Variants in BACH2 observed in about 807,000 individuals in gnomAD.
BACH2 encodes BACH transcriptional regulator 2.
Under a neutral mutation model 61.8 loss-of-function variants are expected in BACH2, and 5 were observed. That is an observed-to-expected ratio of 0.08 (90% CI 0.04 to 0.17). BACH2 has a LOEUF of 0.17. Among genes scored for constraint, BACH2 ranks in the 10% least tolerant of loss-of-function variants. The pLI, the probability that BACH2 is intolerant of heterozygous loss-of-function variation, is 1.00. For missense variants in BACH2, 824 were observed against 1,091.1 expected (o/e 0.76, Z 3.45); for synonymous variants, 446 against 440.1 (o/e 1.01, Z -0.17).
intron 5 of BACH2, among the ~76,000 whole-genome samples, chr6:90,059,333 T>G (rs1780553994): frequency 6.6e-6 from 1 of 152,184 alleles, no homozygotes. Context: ...CAGACACTTC[T>G]CAAAAGAAGA....
chr6:90,218,680 A>T (rs539701544), intron 3 of BACH2, among the ~76,000 whole-genome samples: 1 of 151,102 alleles, frequency 6.6e-6, no homozygotes, highest in Non-Finnish European at 1.5e-5. Context: ...GGCTCGAATT[A>T]CCCGCCTGTC....
intron 8 of BACH2, among the ~76,000 whole-genome samples, chr6:89,934,781 C>G (rs1168306435): frequency 1.3e-5 from 2 of 152,006 alleles, no homozygotes; most frequent in Non-Finnish European, 1.5e-5. Flanking sequence ...TCTCACCAAC[C>G]CTTTGCAAGC....
At chr6:90,012,406 G>C (rs1455726275) in intron 5 of BACH2, among the ~76,000 whole-genome samples, 1 of 151,806 alleles carries the variant, frequency 6.6e-6, no homozygotes, top group East Asian at 2.0e-4. Flanking sequence ...GAGGCAGGTG[G>C]ATAACTTGAG....
At chr6:90,052,444 G>A in intron 5 of BACH2, among the ~76,000 whole-genome samples, 1 of 151,936 alleles carries the variant, frequency 6.6e-6, no homozygotes, top group East Asian at 1.9e-4. Flanking sequence ...TTTTGAGACA[G>A]GGTCTTTCTC....
chr6:90,018,762 A>G (rs1778210794), intron 5 of BACH2, among the ~76,000 whole-genome samples: 1 of 152,216 alleles, frequency 6.6e-6, no homozygotes, highest in South Asian at 2.1e-4. Context: ...AAAAGATAAA[A>G]TATTTGTGAG....
chr6:90,294,906 A>G (rs752634278), intron 1 of BACH2, among the ~76,000 whole-genome samples: 11 of 152,360 alleles, frequency 7.2e-5, no homozygotes, highest in East Asian at 1.9e-4. Flanking sequence ...TTTACTCTAA[A>G]CAGACAAAAG....
chr6:90,293,474 G>A (rs984382586), intron 1 of BACH2, among the ~76,000 whole-genome samples: 1 of 152,184 alleles, frequency 6.6e-6, no homozygotes, highest in Non-Finnish European at 1.5e-5. Flanking sequence ...TGGCATCACA[G>A]GAGCCTCGAT....
intron 1 of BACH2, among the ~76,000 whole-genome samples, chr6:90,290,473 A>C (rs1431521481): frequency 6.6e-6 from 1 of 152,218 alleles, no homozygotes; most frequent in Non-Finnish European, 1.5e-5. Flanking sequence ...TTAATGAATG[A>C]ATGAGGCATC....
intron 6 of BACH2, among the ~76,000 whole-genome samples, chr6:89,997,649 C>CT (rs767645937): frequency 2.5e-4 from 38 of 152,204 alleles, no homozygotes; most frequent in Non-Finnish European, 5.0e-4. Flanking sequence ...TTCTCCTGGC[C>CT]TTTTTAGTAA....
chr6:90,283,338 C>CT (rs569246446), intron 1 of BACH2, among the ~76,000 whole-genome samples: 5 of 151,306 alleles, frequency 3.3e-5, no homozygotes, highest in African/African-American at 4.8e-5. Context: ...GTCCTACTCA[C>CT]TTTTTTTTCC....
At chr6:90,031,108 T>C (rs9444734) in intron 5 of BACH2, among the ~76,000 whole-genome samples, 7 of 150,980 alleles carry the variant, frequency 4.6e-5, no homozygotes, top group Admixed American at 1.3e-4. Context: ...AAAAACCACA[T>C]GATTATCTCA....
intron 4 of BACH2, among the ~76,000 whole-genome samples, chr6:90,130,085 G>A (rs1784028828): frequency 6.6e-6 from 1 of 152,092 alleles, no homozygotes; most frequent in African/African-American, 2.4e-5. Context: ...TGGTCAGGCT[G>A]GTCTCAAACC....
chr6:90,004,989 A>C (rs1411347551), intron 6 of BACH2, among the ~76,000 whole-genome samples: 1 of 152,082 alleles, frequency 6.6e-6, no homozygotes, highest in African/African-American at 2.4e-5. Context: ...TTTTTTAAAA[A>C]CGCAAGATAA....
chr6:89,935,971 T>C (rs1439853286), intron 8 of BACH2, among the ~76,000 whole-genome samples: 1 of 152,208 alleles, frequency 6.6e-6, no homozygotes, highest in African/African-American at 2.4e-5. Context: ...ATTTTGTTGT[T>C]TAACGACATT....
intron 5 of BACH2, among the ~76,000 whole-genome samples, chr6:90,012,856 C>G (rs75722318): frequency 2.6e-5 from 4 of 151,820 alleles, no homozygotes; most frequent in African/African-American, 7.3e-5. Context: ...TTAGTAGAGA[C>G]GGGTTTTGCC....
chr6:89,951,933 G>A lies in BACH2; in HGVS notation c.244-71C>T. 6.5e-7 allele frequency: 1 copy of A among 1,534,094 alleles called. No individual in the cohort carries two copies. The highest frequency in any genetic ancestry group is 1.8e-5 in the Admixed American group (1 of 55,880). ...TATTGTCCCGAATCCCTCAACTGAA[G>A]CAAGATAACCAGACAGTGCTAATGT... On this transcript the variant is annotated intron_variant, in intron 6 of 8. Transcript: ENST00000257749. The surrounding 1 kb of genome is among the most constrained non-coding windows in gnomAD (Gnocchi z 6.4).
At chr6:90,147,351 A>G (rs1784656569) in intron 4 of BACH2, among the ~76,000 whole-genome samples, 1 of 151,500 alleles carries the variant, frequency 6.6e-6, no homozygotes, top group Non-Finnish European at 1.5e-5. Flanking sequence ...CCTCTCTCCA[A>G]ACTCCTCAAT....
chr6:90,147,630 G>GT (rs1420728814), intron 4 of BACH2, among the ~76,000 whole-genome samples: 2 of 152,054 alleles, frequency 1.3e-5, no homozygotes, highest in Non-Finnish European at 2.9e-5. Context: ...TGATCAACCT[G>GT]TTTAAGCAAC....
At chr6:90,229,403 C>T (rs909775948) in intron 3 of BACH2, among the ~76,000 whole-genome samples, 5 of 151,558 alleles carry the variant, frequency 3.3e-5, no homozygotes, top group East Asian at 1.9e-4. Context: ...GAGGTTGCGG[C>T]GAGCAGAGAT....
Sources: allele counts gnomAD v4.1 joint callset (sites outside exome capture counted in the v4.1 genomes callset), GRCh38; gene constraint gnomAD v4.1.1; non-coding constraint Gnocchi (gnomAD v3.1); transcripts MANE v1.5; gene names NCBI Gene and HGNC (gene_info 2026-07-23, HGNC 2026-07-21).